The following PDK1 variants were observed in gnomAD, a reference collection of about 807,000 sequenced individuals.
The protein encoded by PDK1 is [Pyruvate dehydrogenase (acetyl-transferring)] kinase isozyme 1, mitochondrial.
A neutral mutation model predicts 54.2 loss-of-function variants in PDK1; 39 were observed. The ratio of observed to expected loss-of-function variants is 0.72; its 90% CI spans 0.56 to 0.94. The LOEUF is 0.94. Ranked by LOEUF, PDK1 falls within the 40% of genes least tolerant of loss-of-function variation. PDK1 has a pLI of 0.00. For synonymous variants in PDK1, 221 were observed against 207.1 expected (o/e 1.07, Z -0.58); for missense variants, 552 against 566.0 (o/e 0.98, Z 0.25).
At chr2:172,704,032 C>T in the PDK1 span, among the ~76,000 whole-genome samples, 9 of 152,070 alleles carry the variant, frequency 5.9e-5, no homozygotes, top group African/African-American at 1.9e-4. Flanking sequence ...CCTCAGCCTC[C>T]CAAAGTGCTG....
At chr2:172,555,695 T>G, upstream of PDK1, 1 of 152,960 alleles carries the variant, frequency 6.5e-6, no homozygotes. Flanking sequence ...TTGGCTGAGA[T>G]TGGGAGGGCA....
the PDK1 span, among the ~76,000 whole-genome samples, chr2:172,638,190 GT>G: frequency 6.6e-6 from 1 of 152,172 alleles, no homozygotes. Context: ...TGCTGCCATG[GT>G]CAGAGATGGC....
At chr2:172,622,365 A>ATC in the PDK1 span, among the ~76,000 whole-genome samples, 30 of 140,990 alleles carry the variant, frequency 2.1e-4, no homozygotes, top group African/African-American at 5.1e-4. Flanking sequence ...ATATGTTTAT[A>ATC]TCATATATTA....
chr2:172,650,142 T>G, the PDK1 span, among the ~76,000 whole-genome samples: 2 of 152,182 alleles, frequency 1.3e-5, no homozygotes, highest in Admixed American at 6.5e-5. Flanking sequence ...CGGATCTCTC[T>G]GCAGAAACTC....
the PDK1 span, among the ~76,000 whole-genome samples, chr2:172,631,829 T>G: frequency 0.73 from 110,779 of 152,016 alleles, 40,564 homozygotes; most frequent in Non-Finnish European, 0.77. Flanking sequence ...ATCATCCCTT[T>G]TCTATGCAAC....
chr2:172,622,129 C>CAT, the PDK1 span, among the ~76,000 whole-genome samples: 21,723 of 104,008 alleles, frequency 0.21, 3,813 homozygotes, highest in African/African-American at 0.4. Flanking sequence ...GTTTATATCT[C>CAT]ATATTATGTG....
the PDK1 span, among the ~76,000 whole-genome samples, chr2:172,716,381 C>T: frequency 6.6e-6 from 1 of 151,918 alleles, no homozygotes; most frequent in Non-Finnish European, 1.5e-5. Flanking sequence ...GTTGCCCAGG[C>T]TGGAGTGCAG....
At chr2:172,565,808 C>G (rs912952678) in intron 5 of PDK1, among the ~76,000 whole-genome samples, 1 of 152,188 alleles carries the variant, frequency 6.6e-6, no homozygotes, top group African/African-American at 2.4e-5. Flanking sequence ...TACAAGTTTA[C>G]AGACATCTTG....
chr2:172,692,021 C>T, the PDK1 span, among the ~76,000 whole-genome samples: 61 of 152,290 alleles, frequency 4.0e-4, no homozygotes, highest in African/African-American at 1.4e-3. Context: ...TCCCCTTTGG[C>T]CAAGAATCCT....
intron 7 of PDK1, 126 bp downstream of exon 7, chr2:172,568,943 C>T (rs1689107507): frequency 1.5e-6 from 1 of 646,004 alleles, no homozygotes; most frequent in Admixed American, 2.6e-5. Context: ...TATCATATCA[C>T]ATTGCTGGAG....
chr2:172,594,593 T>C (rs967287043), intron 10 of PDK1, among the ~76,000 whole-genome samples: 12 of 152,236 alleles, frequency 7.9e-5, no homozygotes, highest in Non-Finnish European at 1.8e-4. Flanking sequence ...TGATCTAGCC[T>C]GTAGATCAAG....
chr2:172,703,766 C>CTTTTTTTTTTTTTTTTTTTTTTT, the PDK1 span, among the ~76,000 whole-genome samples: 29 of 89,116 alleles, frequency 3.3e-4, no homozygotes, highest in African/African-American at 1.2e-3. Context: ...TTCTTTCTTT[C>CTTTTTTTTTTTTTTTTTTTTTTT]TTTTTTTTTT....
At chr2:172,671,539 G>GT in the PDK1 span, among the ~76,000 whole-genome samples, 16,915 of 139,844 alleles carry the variant, frequency 0.12, 2,140 homozygotes, top group East Asian at 0.69. Context: ...CCCTCTATTG[G>GT]TTTTTTTTTT....
chr2:172,587,489 G>A (rs1330175290), intron 9 of PDK1, among the ~76,000 whole-genome samples: 1 of 152,162 alleles, frequency 6.6e-6, no homozygotes, highest in African/African-American at 2.4e-5. Context: ...TTCTGGGTGG[G>A]TTCGTGGTCT....
chr2:172,681,239 C>T, the PDK1 span, among the ~76,000 whole-genome samples: 1 of 152,208 alleles, frequency 6.6e-6, no homozygotes, highest in Non-Finnish European at 1.5e-5. Flanking sequence ...ATGCTCTGAA[C>T]CAGGGACAAA....
chr2:172,629,599 C>A, the PDK1 span, among the ~76,000 whole-genome samples: 1 of 152,202 alleles, frequency 6.6e-6, no homozygotes, highest in African/African-American at 2.4e-5. Context: ...CACTCACCAC[C>A]CTTCAATTTG....
the PDK1 span, among the ~76,000 whole-genome samples, chr2:172,617,702 G>A: frequency 6.6e-6 from 1 of 152,190 alleles, no homozygotes; most frequent in East Asian, 1.9e-4. Context: ...CTGTTGCATT[G>A]GGGATTAAGC....
At chr2:172,643,569 T>A in the PDK1 span, among the ~76,000 whole-genome samples, 4 of 152,094 alleles carry the variant, frequency 2.6e-5, no homozygotes, top group East Asian at 7.7e-4. Flanking sequence ...CTTAGGTCTA[T>A]CTTCCTGGGG....
chr2:172,559,963 C>T (rs564588007), intron 2 of PDK1, among the ~76,000 whole-genome samples: 3 of 152,260 alleles, frequency 2.0e-5, no homozygotes, highest in Admixed American at 6.5e-5. Flanking sequence ...CCTCCCACCT[C>T]GGCCTCCTGA....
Sources: allele counts gnomAD v4.1 joint callset (sites outside exome capture counted in the v4.1 genomes callset), GRCh38; gene constraint gnomAD v4.1.1; transcripts MANE v1.5; gene names NCBI Gene and HGNC (gene_info 2026-07-23, HGNC 2026-07-21).